Variants in EPB41L3 observed in about 807,000 individuals in gnomAD.
The protein encoded by EPB41L3 is band 4.1-like protein 3.
In EPB41L3, 57 loss-of-function variants were observed where a neutral mutation model predicts 127.1. The observed-to-expected ratio is 0.45, with a 90% CI of 0.36 to 0.56. The LOEUF is 0.56. Among genes scored for constraint, EPB41L3 ranks in the 20% least tolerant of loss-of-function variants. EPB41L3 has a pLI of 0.00. For missense variants in EPB41L3, 1,273 were observed against 1,372.2 expected (o/e 0.93, Z 1.14); for synonymous variants, 572 against 549.5 (o/e 1.04, Z -0.57).
chr18:5,433,309 T>C (rs1185535873), intron 8 of EPB41L3, among the ~76,000 whole-genome samples, 160 bp downstream of exon 8: 1 of 152,142 alleles, frequency 6.6e-6, no homozygotes, highest in Admixed American at 6.5e-5. Flanking sequence ...GAAAGCTACA[T>C]TTGTTGTATC....
At chr18:5,419,538 AG>A (rs1238617179) in intron 12 of EPB41L3, among the ~76,000 whole-genome samples, 172 bp downstream of exon 12, 23 of 152,264 alleles carry the variant, frequency 1.5e-4, no homozygotes, top group Non-Finnish European at 2.9e-5. Flanking sequence ...TGAACCTTTC[AG>A]AGAAAAAATG....
intron 3 of EPB41L3, among the ~76,000 whole-genome samples, chr18:5,610,918 C>G (rs1219492171): frequency 6.6e-6 from 1 of 152,120 alleles, no homozygotes; most frequent in African/African-American, 2.4e-5. Flanking sequence ...AGAAATTTTG[C>G]AGCATAAAAT....
In EPB41L3 at chr18:5,520,615, A is replaced by G. The variant is rs1041876631; in HGVS notation, c.-12+23298T>C. On this transcript the variant is annotated intron_variant, in intron 1 of 22. Transcript: ENST00000341928. The stretch of plus-strand genomic sequence containing the variant: ...CTTCTATTCAGGACTTACAAAAGGC[A>G]GACAATGAAAACAAAACATAAAAAT... 6.6e-5 allele frequency among the ~76,000 whole-genome samples: 10 copies of G among 151,914 alleles called. 1 individual carries two copies. Among genetic ancestry groups the G allele is most frequent in the African/African-American group, 2.2e-4 (9 of 41,390 alleles).
At chr18:5,583,213 T>C (rs1341045667) in intron 3 of EPB41L3, among the ~76,000 whole-genome samples, 1 of 152,162 alleles carries the variant, frequency 6.6e-6, no homozygotes, top group Non-Finnish European at 1.5e-5. Context: ...GCCCGCCAGA[T>C]ACTAGGCAAG....
rs150658539 is a variant in EPB41L3 at position 5,436,570 on chromosome 18, G to A, written c.605+1465C>T. On this transcript the variant is annotated intron_variant, in intron 6 of 22. Transcript: ENST00000341928. ...ACTTCAGGCGCCCGCCACGATGCCC[G>A]GCTAATTTTTTGTATTTTTAGTGGA... Among the ~76,000 whole-genome samples the A allele has an allele frequency of 2.6e-3, 400 of 151,904 alleles. 1 individual carries two copies. The highest frequency in any genetic ancestry group is 9.0e-3 in the African/African-American group (371 of 41,446).
intron 11 of EPB41L3, among the ~76,000 whole-genome samples, chr18:5,422,201 A>G (rs1234419842): frequency 6.6e-6 from 1 of 152,152 alleles, no homozygotes; most frequent in East Asian, 1.9e-4. Context: ...ATCTGGATTT[A>G]CCCATGCCAC....
intron 3 of EPB41L3, among the ~76,000 whole-genome samples, chr18:5,584,087 C>T (rs1568607755): frequency 6.6e-6 from 1 of 152,194 alleles, no homozygotes; most frequent in Non-Finnish European, 1.5e-5. Context: ...CAGGTGTGAG[C>T]CTCTGTGCCT....
At chr18:5,449,815 A>ATAG (rs1192785674) in intron 3 of EPB41L3, among the ~76,000 whole-genome samples, 1 of 152,256 alleles carries the variant, frequency 6.6e-6, no homozygotes, top group East Asian at 1.9e-4. Flanking sequence ...AAAACCACAG[A>ATAG]TAGTAGTGAA....
rs74457196 is a variant in EPB41L3, at chr18:5,609,127, G to C, written c.-306+3213C>G. Among the ~76,000 whole-genome samples, 353 of 152,330 alleles carry C rather than the reference G, an allele frequency of 2.3e-3. 3 individuals are homozygous for C. Among genetic ancestry groups the C allele is most frequent in the Non-Finnish European group, 2.2e-3 (151 of 68,038 alleles). ...CCTGCTACCTCCACCAGCTAAGACA[G>C]TGACATGGCAGTTTCAAATTTATTG... On this transcript the variant is annotated intron_variant, in intron 3 of 21. Transcript: ENST00000545076.
chr18:5,421,408 A>G (rs111419513), intron 11 of EPB41L3, among the ~76,000 whole-genome samples: 5,599 of 152,268 alleles, frequency 0.037, 140 homozygotes, highest in Middle Eastern at 0.061. Context: ...AATAGGATAA[A>G]CCAGAAAGAA....
At position 5,565,294 on chromosome 18, in the gene EPB41L3, C is replaced by T. The variant is rs184642853; in HGVS notation, c.-306+47046G>A. Among the ~76,000 whole-genome samples the T allele has an allele frequency of 3.3e-3, 504 of 151,818 alleles. 4 individuals carry two copies. Among genetic ancestry groups the T allele is most frequent in the African/African-American group, 0.011 (456 of 41,418 alleles). On this transcript the variant is annotated intron_variant, in intron 3 of 21. Transcript: ENST00000545076. The stretch of plus-strand genomic sequence containing the variant: ...GGGCATGGCAGTGTGTGCCTGTAAT[C>T]CCAGATACTCGTGAGGCTGAGGCAG...
At chr18:5,598,188 G>A (rs890646297) in intron 3 of EPB41L3, among the ~76,000 whole-genome samples, 9 of 152,134 alleles carry the variant, frequency 5.9e-5, no homozygotes, top group African/African-American at 2.2e-4. Context: ...GACTAATTGA[G>A]ATACTCTTCC....
At chr18:5,621,517 T>G (rs373092559) in intron 1 of EPB41L3, among the ~76,000 whole-genome samples, 1 of 152,170 alleles carries the variant, frequency 6.6e-6, no homozygotes. Flanking sequence ...GGCTGGAGAA[T>G]TGCTTGAGCC....
chr18:5,434,049 G>A lies in EPB41L3; in HGVS notation c.678C>T (p.Ala226=). The A allele has an allele frequency of 1.2e-6, 2 of 1,614,142 alleles. No individual in the cohort carries two copies. Among genetic ancestry groups the A allele is most frequent in the African/African-American group, 2.7e-5 (2 of 75,038 alleles). The change falls in exon 7 of 23, where the codon GCC becomes GCT. Residue 226 remains alanine (A), a synonymous_variant. Coordinates refer to ENST00000341928, the MANE Select transcript of EPB41L3 (RefSeq NM_012307.5). ...GRLPCSFVTL[A]LLGSYTVQSE... The stretch of plus-strand genomic sequence containing the variant: ...ACTGGACAGTGTAGGAGCCCAGCAA[G>A]GCCAGGGTAACAAAGGAGCAGGGCA...
intron 5 of EPB41L3, among the ~76,000 whole-genome samples, chr18:5,443,468 G>A (rs1373391992): frequency 2.0e-5 from 3 of 152,194 alleles, no homozygotes; most frequent in Non-Finnish European, 4.4e-5. Flanking sequence ...ACCTCAGTTT[G>A]ACTTGTTATT....
At position 5,401,706 on chromosome 18, in the gene EPB41L3, C is replaced by G. The variant is rs533051902; in HGVS notation, c.2350-3563G>C. 8.5e-5 allele frequency among the ~76,000 whole-genome samples: 13 copies of G among 152,210 alleles called. No homozygotes were observed. The South Asian group carries it at 2.5e-3, about 29-fold the overall frequency. ...GGAAAATTAAGTATATCAATTCATA[C>G]TTTAACATAAAAAATTAAGAAATAT... On this transcript the variant is annotated intron_variant, in intron 16 of 22. Transcript: ENST00000341928.
chr18:5,424,633 A>G (rs889025527), intron 9 of EPB41L3, among the ~76,000 whole-genome samples: 4 of 152,204 alleles, frequency 2.6e-5, no homozygotes, highest in Admixed American at 2.6e-4. Flanking sequence ...ACCAAACACG[A>G]AAAGGGGTTT....
Position 5,543,683 on chromosome 18 carries a change from G to T in EPB41L3, c.-12+230C>A, listed in dbSNP as rs1295815959. ...GCCGCGGCGGGCGGAGCGGGCGGGG[G>T]GCGCGGCGCGCAGGCTCGGCCCGGT... On this transcript the variant is annotated intron_variant, in intron 1 of 22. Transcript: ENST00000341928. This position sits in a 1 kb window ranked among gnomAD's most constrained non-coding sequence, Gnocchi z 5.2. Among the ~76,000 whole-genome samples the T allele has an allele frequency of 6.8e-6, 1 of 146,856 alleles. No homozygotes were observed. The highest frequency in any genetic ancestry group is 2.1e-4 in the South Asian group (1 of 4,806).
At chr18:5,554,258 C>A (rs542741339) in intron 3 of EPB41L3, among the ~76,000 whole-genome samples, 2 of 152,268 alleles carry the variant, frequency 1.3e-5, no homozygotes, top group South Asian at 4.1e-4. Context: ...ATAAGTCCCA[C>A]AAAAACAGGG....
Sources: allele counts gnomAD v4.1 joint callset (sites outside exome capture counted in the v4.1 genomes callset), GRCh38; gene constraint gnomAD v4.1.1; non-coding constraint Gnocchi (gnomAD v3.1); transcripts MANE v1.5; gene names NCBI Gene and HGNC (gene_info 2026-07-23, HGNC 2026-07-21).